Variants in MTMR8 observed in about 807,000 individuals in gnomAD.
The protein encoded by MTMR8 is myotubularin related protein 8, also known as phosphatidylinositol-3,5-bisphosphate 3-phosphatase MTMR8.
MTMR8 carries 65 observed loss-of-function variants against 39.3 expected under a neutral mutation model. The observed-to-expected ratio is 1.65, with a 90% CI of 1.35 to 2.03. MTMR8 has a LOEUF of 2.03. Among genes scored for constraint, MTMR8 ranks in the 30% most tolerant of loss-of-function variants. MTMR8 has a pLI of 0.00. For missense variants in MTMR8, 777 were observed against 538.9 expected (o/e 1.44, Z -4.37); for synonymous variants, 245 against 185.2 (o/e 1.32, Z -2.62).
rs1602140229 is a variant in MTMR8, at chrX:64,345,064, A to G, written c.846T>C (p.Ser282=). 1 of 1,211,153 alleles carries G rather than the reference A, an allele frequency of 8.3e-7. No homozygotes were observed. The highest frequency in any genetic ancestry group is 1.1e-6 in the Non-Finnish European group (1 of 895,134). The part of the protein sequence containing the change: ...GIENIHVMRS[S]LQKLLEVCEL... ...CTGTACCTTCCAAGAGTTTCTGCAGACTGCTCCGCATTACATGGATGTTCT... is the reference window on the plus strand; with the variant it reads ...CTGTACCTTCCAAGAGTTTCTGCAGGCTGCTCCGCATTACATGGATGTTCT... The change falls in exon 7 of 14, where the codon AGT becomes AGC. Residue 282 remains serine (S), a synonymous_variant. Coordinates refer to ENST00000374852, the MANE Select transcript of MTMR8 (RefSeq NM_017677.4).
At chrX:64,358,159 A>C (rs1243996262) in intron 2 of MTMR8, among the ~76,000 whole-genome samples, 1 of 111,770 alleles carries the variant, frequency 8.9e-6, no homozygotes, top group Non-Finnish European at 1.9e-5. Context: ...AATTACAAGA[A>C]TCCTTACTAA....
chrX:64,351,448 C>G (rs1923485167), intron 4 of MTMR8, among the ~76,000 whole-genome samples: 1 of 111,564 alleles, frequency 9.0e-6, no homozygotes, highest in South Asian at 3.8e-4. Flanking sequence ...AAAAATTATC[C>G]TAGCAGGCCT....
chrX:64,296,535 T>C (rs1306822244), intron 12 of MTMR8, among the ~76,000 whole-genome samples: 3 of 108,183 alleles, frequency 2.8e-5, no homozygotes, highest in Admixed American at 9.9e-5. Context: ...GTTATATAAA[T>C]GAACCACAGA....
intron 12 of MTMR8, among the ~76,000 whole-genome samples, chrX:64,291,287 C>T: frequency 9.0e-6 from 1 of 110,811 alleles, no homozygotes. Context: ...AAAACTGCCC[C>T]CAACATCTGC....
At chrX:64,364,209 T>C (rs1923879433) in intron 1 of MTMR8, among the ~76,000 whole-genome samples, 1 of 112,675 alleles carries the variant, frequency 8.9e-6, no homozygotes, top group Admixed American at 9.3e-5. Flanking sequence ...TAAATGTCCC[T>C]GTCTGACAGC....
chrX:64,320,709 A>T (rs1305233885), intron 12 of MTMR8, among the ~76,000 whole-genome samples: 1 of 111,011 alleles, frequency 9.0e-6, no homozygotes, highest in Admixed American at 9.7e-5. Flanking sequence ...TGCAAATATC[A>T]GGGAATGTAG....
chrX:64,300,365 T>A (rs1252611163), intron 12 of MTMR8, among the ~76,000 whole-genome samples: 1 of 111,725 alleles, frequency 9.0e-6, no homozygotes, highest in Non-Finnish European at 1.9e-5. Flanking sequence ...TTTGTTGGTT[T>A]AAAGTCTGTT....
chrX:64,286,346 T>C (rs183073982), intron 12 of MTMR8, among the ~76,000 whole-genome samples: 15 of 111,779 alleles, frequency 1.3e-4, no homozygotes, highest in African/African-American at 4.5e-4. Context: ...AAAAAGTCCA[T>C]GACCAGAAGG....
intron 12 of MTMR8, among the ~76,000 whole-genome samples, chrX:64,302,720 G>T (rs780996031): frequency 8.9e-6 from 1 of 112,133 alleles, no homozygotes; most frequent in Non-Finnish European, 1.9e-5. Flanking sequence ...TATATTTTTA[G>T]GCATTAGAGC....
chrX:64,315,012 C>G (rs1922424135), intron 12 of MTMR8, among the ~76,000 whole-genome samples: 1 of 111,678 alleles, frequency 9.0e-6, no homozygotes, highest in Non-Finnish European at 1.9e-5. Flanking sequence ...TTCAGGCCCA[C>G]TAGTTCCCCT....
At chrX:64,308,623 T>A (rs1333684367) in intron 12 of MTMR8, among the ~76,000 whole-genome samples, 1 of 111,643 alleles carries the variant, frequency 9.0e-6, no homozygotes, top group Non-Finnish European at 1.9e-5. Flanking sequence ...AATATTTTCA[T>A]TTGATTCCAG....
In MTMR8 at chrX:64,337,417, G is replaced by A. The variant is rs773181339; in HGVS notation, c.976-24C>T. 3 of 1,199,739 alleles carry A rather than the reference G, an allele frequency of 2.5e-6. No homozygotes were observed. The Admixed American group carries it at 6.7e-5, about 27-fold the overall frequency. On this transcript the variant is annotated intron_variant, in intron 8 of 13. Coordinates refer to ENST00000374852, the MANE Select transcript of MTMR8 (RefSeq NM_017677.4). ...GCCTGTGAAGACAAGAGGCAAAAAAGTACCACAAGCAACCTTTGCACAGCT... is the reference window on the plus strand; with the variant it reads ...GCCTGTGAAGACAAGAGGCAAAAAAATACCACAAGCAACCTTTGCACAGCT...
intron 12 of MTMR8, among the ~76,000 whole-genome samples, chrX:64,316,691 TA>T (rs1044449035): frequency 1.6e-4 from 18 of 111,796 alleles, no homozygotes; most frequent in East Asian, 8.4e-4. Flanking sequence ...CGCATTGATA[TA>T]TTTTTTTTGG....
In MTMR8 at chrX:64,354,854, C is replaced by T. The variant is rs776444239; in HGVS notation, c.391G>A (p.Asp131Asn). The T allele has an allele frequency of 8.3e-6, 10 of 1,203,667 alleles. No homozygotes were observed. Among genetic ancestry groups the T allele is most frequent in the Admixed American group, 6.6e-5 (3 of 45,407 alleles). Residue 131 changes from aspartate (D) to asparagine (N), a missense_variant, in exon 4 of 14, where the codon GAC becomes AAC. Physicochemically the swap from Asp to Asn is conservative, Grantham distance 23. Transcript: ENST00000374852. ...ATACGCCCAAAGTCTGATATTGGGT[C>T]AATCAGTTTCCATCCACTTTCCCTC... ...EMRESGWKLI[D>N]PISDFGRMGI...
chrX:64,355,190 A>T (rs955007814), intron 3 of MTMR8, among the ~76,000 whole-genome samples: 33 of 111,878 alleles, frequency 2.9e-4, no homozygotes, highest in African/African-American at 9.1e-4. Flanking sequence ...GCTTCCTATA[A>T]AAAAAGAATG....
At chrX:64,392,549 G>A (rs138607731) in intron 1 of MTMR8, among the ~76,000 whole-genome samples, 1 of 111,258 alleles carries the variant, frequency 9.0e-6, no homozygotes, top group East Asian at 2.8e-4. Flanking sequence ...GACTGGAAGG[G>A]GGCATGAAGT....
chrX:64,268,297 A>G lies in MTMR8; in HGVS notation c.*240T>C. 2.8e-6 allele frequency: 1 copy of G among 362,970 alleles called. No homozygotes were observed. Among genetic ancestry groups the G allele is most frequent in the Non-Finnish European group, 4.7e-6 (1 of 213,388 alleles). The allele number at this position is 362,970 out of a possible 1,213,427, so 29.9% of individuals were successfully genotyped here. On this transcript the variant is annotated 3_prime_UTR_variant, in exon 14 of 14. Coordinates refer to ENST00000374852, the MANE Select transcript of MTMR8 (RefSeq NM_017677.4). The stretch of plus-strand genomic sequence containing the variant: ...GTCTCAGCTGAGAGGCAACATTTCT[A>G]TAGTTAAATCCCATTTTAGAACAAT...
intron 12 of MTMR8, among the ~76,000 whole-genome samples, chrX:64,286,052 A>C (rs1326277625): frequency 8.9e-6 from 1 of 111,801 alleles, no homozygotes; most frequent in Non-Finnish European, 1.9e-5. Flanking sequence ...GTTTTTGAAA[A>C]GATCAACAAA....
At chrX:64,354,155 T>C (rs1923558270) in intron 4 of MTMR8, among the ~76,000 whole-genome samples, 1 of 106,938 alleles carries the variant, frequency 9.4e-6, no homozygotes, top group Non-Finnish European at 1.9e-5. Flanking sequence ...GAATGATGGT[T>C]ACCAAAGGTT....
Sources: allele counts gnomAD v4.1 joint callset (sites outside exome capture counted in the v4.1 genomes callset), GRCh38; gene constraint gnomAD v4.1.1; transcripts MANE v1.5; gene names NCBI Gene and HGNC (gene_info 2026-07-23, HGNC 2026-07-21).